HACD4: variants seen among roughly 807,000 people sequenced by gnomAD.
HACD4 encodes very-long-chain (3R)-3-hydroxyacyl-CoA dehydratase 4.
HACD4 carries 35 observed loss-of-function variants against 33.3 expected under a neutral mutation model. The observed-to-expected ratio is 1.05, with a 90% CI of 0.80 to 1.39. The LOEUF (loss-of-function observed/expected upper bound fraction) is 1.39, where lower values mean the gene tolerates loss of function less well. Ranked by LOEUF, HACD4 falls within the 40% of genes most tolerant of loss-of-function variation. The probability of loss-of-function intolerance (pLI) is 0.00; values close to 1 mark genes in which losing one functional copy is unlikely to be tolerated. For missense variants in HACD4, 323 were observed against 276.5 expected, an observed-to-expected ratio of 1.17 and a Z score of -1.19; for synonymous variants, 118 against 98.0, an observed-to-expected ratio of 1.20 and a Z score of -1.21.
rs368096773 is a variant in HACD4, at chr9:21,015,927, G to A, written c.354C>T (p.Phe118=). ...CCATATCCAATAGATTCCAAAAGAC[G>A]AATAAAACACACACCACATATTTCT... ...VQEKYVVCVL[F]VFWNLLDMVR... The change falls in exon 4 of 7, where the codon TTC becomes TTT. Residue 118 remains phenylalanine, a synonymous_variant. Transcript: ENST00000495827. 15 of 1,611,800 alleles carry A rather than the reference G, an allele frequency of 9.3e-6. No homozygotes were observed. The highest frequency in any genetic ancestry group is 1.6e-4 in the Middle Eastern group (1 of 6,072).
At chr9:21,011,547 G>T (rs761153975) in intron 5 of HACD4, 42 bp downstream of exon 5, 2 of 1,189,782 alleles carry the variant, frequency 1.7e-6, no homozygotes, top group Non-Finnish European at 2.5e-6. Flanking sequence ...TAACTAGATG[G>T]CTTTTGTCAG....
Position 21,005,039 on chromosome 9 carries a change from C to G in HACD4, c.*1998G>C, listed in dbSNP as rs1394082605. 3 of 152,082 alleles carry G rather than the reference C, an allele frequency of 2.0e-5. No individual in the cohort carries two copies. The highest frequency in any genetic ancestry group is 4.4e-5 in the Non-Finnish European group (3 of 68,014). The allele number at this position is 152,082 out of a possible 1,614,324, so 9.4% of individuals were successfully genotyped here. A position where few individuals can be genotyped will look rare whatever the true frequency, so the allele number is the denominator to read the frequency against. On this transcript the variant is annotated 3_prime_UTR_variant, in exon 7 of 7. Coordinates refer to ENST00000495827, the MANE Select transcript of HACD4 (RefSeq NM_001010915.5). The surrounding 1 kb of genome is among the most constrained non-coding windows in gnomAD (Gnocchi z 4.0). ...TGTTGGTAGACATGGACAATAAAGG[C>G]CATTCTGATGAAGTCTCAAATGAAA...
chr9:21,021,470 T>A (rs1817910978), intron 3 of HACD4, among the ~76,000 whole-genome samples: 1 of 152,100 alleles, frequency 6.6e-6, no homozygotes, highest in Admixed American at 6.5e-5. Flanking sequence ...GATTGTATAT[T>A]TAGAAAACCC....
At chr9:21,007,837 T>C (rs1453781857) in intron 6 of HACD4, among the ~76,000 whole-genome samples, 184 bp downstream of exon 6, 1 of 152,170 alleles carries the variant, frequency 6.6e-6, no homozygotes, top group African/African-American at 2.4e-5. Flanking sequence ...AAATATATGA[T>C]CCCATGATGC....
At chr9:21,028,524 C>T (rs1282268331) in intron 2 of HACD4, among the ~76,000 whole-genome samples, 1 of 152,136 alleles carries the variant, frequency 6.6e-6, no homozygotes. Context: ...AGAATAACTT[C>T]CTTATGATAC....
Position 21,011,640 on chromosome 9 carries a change from G to A in HACD4, c.439C>T (p.Leu147Phe). The A allele has an allele frequency of 6.2e-7, 1 of 1,612,032 alleles. No homozygotes were observed. The highest frequency in any genetic ancestry group is 8.5e-7 in the Non-Finnish European group (1 of 1,178,416). The part of the protein sequence containing the change: ...IGISYAVLTW[L>F]SQTLWMPIYP... ...ATTGGCATCCATAGTGTTTGACTGA[G>A]CCATGTCAAGACAGCATAGGATATT... Residue 147 changes from leucine to phenylalanine, a missense_variant, in exon 5 of 7, where the codon CTC (leucine) becomes TTC (phenylalanine). Coordinates refer to ENST00000495827, the MANE Select transcript of HACD4 (RefSeq NM_001010915.5).
rs1256724080 is a variant in HACD4 at position 21,007,126 on chromosome 9, T to G, written c.617-7A>C. 7 of 1,412,234 alleles carry G rather than the reference T, an allele frequency of 5.0e-6. No homozygotes were observed. Among genetic ancestry groups the G allele is most frequent in the Non-Finnish European group, 1.0e-6 (1 of 996,922 alleles). The allele number at this position is 1,412,234 out of a possible 1,614,324, so 87.5% of individuals were successfully genotyped here. ...CTGTAGGTAAAATACATACCTAATATGGAGAAAGAAGTTGCAAAAGTAAGT... is the reference window on the plus strand; with the variant it reads ...CTGTAGGTAAAATACATACCTAATAGGGAGAAAGAAGTTGCAAAAGTAAGT... On this transcript the variant is annotated splice_region_variant and splice_polypyrimidine_tract_variant and intron_variant, in intron 6 of 6. Coordinates refer to ENST00000495827, the MANE Select transcript of HACD4 (RefSeq NM_001010915.5).
intron 4 of HACD4, chr9:21,015,653 GC>G (rs1180258380): frequency 6.0e-6 from 2 of 334,836 alleles, no homozygotes; most frequent in Admixed American, 9.3e-5. Context: ...TTGGTTTTAT[GC>G]CAAGCCTTCT....
intron 5 of HACD4, among the ~76,000 whole-genome samples, chr9:21,008,605 AG>A (rs886082322): frequency 1.3e-5 from 2 of 152,164 alleles, no homozygotes; most frequent in African/African-American, 2.4e-5. Flanking sequence ...AACTGGCCTT[AG>A]AATATCTCCT....
rs528872763 is a variant in HACD4 at position 21,001,442 on chromosome 9, A to G, written c.*5595T>C. ...CAGGGTATAAGGATCTGTGGGACCC[A>G]TCAAGCAGACCAACATACACATTGT... On this transcript the variant is annotated 3_prime_UTR_variant, in exon 7 of 7. Coordinates refer to ENST00000495827, the MANE Select transcript of HACD4 (RefSeq NM_001010915.5). 1.3e-5 allele frequency: 2 copies of G among 152,112 alleles called. No homozygotes were observed. The highest frequency in any genetic ancestry group is 2.9e-5 in the Non-Finnish European group (2 of 67,980). The allele number at this position is 152,112 out of a possible 1,614,324, so 9.4% of individuals were successfully genotyped here.
chr9:21,031,440 C>A, intron 1 of HACD4, 113 bp downstream of exon 1: 1 of 1,342,848 alleles, frequency 7.4e-7, no homozygotes, highest in South Asian at 1.9e-5. Context: ...GGTAGCGCTG[C>A]GCCTTGCTGG....
Position 21,006,137 on chromosome 9 carries a change from A to C in HACD4, c.*900T>G, listed in dbSNP as rs1472382617. On this transcript the variant is annotated 3_prime_UTR_variant, in exon 7 of 7. Coordinates refer to ENST00000495827, the MANE Select transcript of HACD4 (RefSeq NM_001010915.5). This position sits in a 1 kb window ranked among gnomAD's most constrained non-coding sequence, Gnocchi z 4.6. ...ACATGAATTTTGTAGGACCAGGTAC[A>C]GAATGCTATGGAGTGAATCTTTGTG... 6.6e-6 allele frequency: 1 copy of C among 152,188 alleles called. No homozygotes were observed. 9.4% of individuals were successfully genotyped at this position (152,188 alleles called of 1,614,324 possible). A position where few individuals can be genotyped will look rare whatever the true frequency, so the allele number is the denominator to read the frequency against.
chr9:21,010,351 A>T (rs1842382696), intron 5 of HACD4, among the ~76,000 whole-genome samples: 1 of 151,662 alleles, frequency 6.6e-6, no homozygotes, highest in African/African-American at 2.4e-5. Flanking sequence ...TAGGCTATAT[A>T]ATTAGCCTAC....
In HACD4 at chr9:21,029,546, T is replaced by TA. The variant is rs1427615020; in HGVS notation, c.39-149dup. 6 of 475,676 alleles carry TA rather than the reference T, an allele frequency of 1.3e-5. No homozygotes were observed. The Admixed American group carries it at 2.5e-4, about 19-fold the overall frequency. 29.5% of individuals were successfully genotyped at this position (475,676 alleles called of 1,614,324 possible). A position where few individuals can be genotyped will look rare whatever the true frequency, so the allele number is the denominator to read the frequency against. ...TTTTATCTGGTTACCCCCAAGTACA[T>TA]ATCAGATTTTGAAGGGAGCCATAAC... On this transcript the variant is annotated intron_variant, in intron 1 of 6. Transcript: ENST00000495827.
chr9:21,020,091 A>C (rs1564276695), intron 3 of HACD4, among the ~76,000 whole-genome samples: 1 of 152,102 alleles, frequency 6.6e-6, no homozygotes, highest in Non-Finnish European at 1.5e-5. Context: ...CAAATACAGA[A>C]ACAGTTTATG....
At position 21,029,390 on chromosome 9, in the gene HACD4, T is replaced by C. The variant is rs1243396467; in HGVS notation, c.47A>G (p.Lys16Arg). The C allele has an allele frequency of 1.9e-6, 3 of 1,562,790 alleles. No homozygotes were observed. The highest frequency in any genetic ancestry group is 4.5e-5 in the East Asian group (2 of 44,466). Residue 16 changes from lysine to arginine, a missense_variant, in exon 2 of 7, where the codon AAG (lysine) becomes AGG (arginine). Transcript: ENST00000495827. ...LPAWLQPRYR[K>R]NAYLFIYYLI... is the part of the protein sequence containing the mutation. ...GTAATAGATGAAAAGATACGCATTC[T>C]TCCTATACCTATAAATACAGGAAAA...
chr9:21,019,302 T>C (rs1219808120), intron 3 of HACD4, among the ~76,000 whole-genome samples: 1 of 152,110 alleles, frequency 6.6e-6, no homozygotes, highest in African/African-American at 2.4e-5. Flanking sequence ...AGCTTAAATG[T>C]CTGCTACAAT....
At position 20,999,618 on chromosome 9, in the gene HACD4, A is replaced by T. The variant is rs1339884093; in HGVS notation, c.*7419T>A. ...TATATAAGTTGAAAGAAAAAAACAAAACTTATGTGTCTTCTAAATATAAGG... is the reference window on the plus strand; with the variant it reads ...TATATAAGTTGAAAGAAAAAAACAATACTTATGTGTCTTCTAAATATAAGG... On this transcript the variant is annotated 3_prime_UTR_variant, in exon 7 of 7. Coordinates refer to ENST00000495827, the MANE Select transcript of HACD4 (RefSeq NM_001010915.5). 1.5e-5 allele frequency: 1 copy of T among 65,260 alleles called. No homozygotes were observed. The allele number at this position is 65,260 out of a possible 1,614,324, so 4.0% of individuals were successfully genotyped here.
In HACD4 at chr9:21,008,001, A is replaced by G; in HGVS notation, c.616+20T>C. On this transcript the variant is annotated intron_variant, in intron 6 of 6. Coordinates refer to ENST00000495827, the MANE Select transcript of HACD4 (RefSeq NM_001010915.5). ...AAAGTACAGGAAAAATGCAAAAACA[A>G]GACCAAAAAAGCCACTTACCTATAA... is the stretch of plus-strand genomic sequence containing the variant. 6.3e-7 allele frequency: 1 copy of G among 1,575,318 alleles called. No homozygotes were observed.
Sources: allele counts gnomAD v4.1 joint callset (sites outside exome capture counted in the v4.1 genomes callset), GRCh38; gene constraint gnomAD v4.1.1; non-coding constraint Gnocchi (gnomAD v3.1); transcripts MANE v1.5; gene names NCBI Gene and HGNC (gene_info 2026-07-23, HGNC 2026-07-21).